The following NCK2 variants were observed in gnomAD, a reference collection of about 807,000 sequenced individuals.
The protein encoded by NCK2 is NCK adaptor protein 2.
In NCK2, 16 loss-of-function variants were observed where a neutral mutation model predicts 33.9. That is an observed-to-expected ratio of 0.47 (90% CI 0.32 to 0.72). The LOEUF (loss-of-function observed/expected upper bound fraction) is 0.72. Ranked by LOEUF, NCK2 falls within the 30% of genes least tolerant of loss-of-function variation. NCK2 has a pLI of 0.03. For synonymous variants in NCK2, 273 were observed against 239.9 expected, an observed-to-expected ratio of 1.14 and a Z score of -1.27; for missense variants, 418 against 537.3, an observed-to-expected ratio of 0.78 and a Z score of 2.19.
intron 2 of NCK2, among the ~76,000 whole-genome samples, chr2:105,843,600 GCAGTGATGGTGATAC>G (rs1340663133): frequency 1.3e-5 from 2 of 152,146 alleles, no homozygotes; most frequent in Non-Finnish European, 2.9e-5. Flanking sequence ...ACGAACACTC[GCAGTGATGGTGATAC>G]GTCACAGGGA....
chr2:105,842,617 G>C (rs1269365839), intron 2 of NCK2, among the ~76,000 whole-genome samples: 1 of 152,154 alleles, frequency 6.6e-6, no homozygotes, highest in Non-Finnish European at 1.5e-5. Context: ...TAGCCACTGA[G>C]ATCTCTCTAA....
chr2:105,853,428 G>A (rs959357942), intron 2 of NCK2, among the ~76,000 whole-genome samples: 1 of 152,046 alleles, frequency 6.6e-6, no homozygotes, highest in Non-Finnish European at 1.5e-5. Flanking sequence ...CACTTTTGAT[G>A]TTGCACATTT....
chr2:105,835,843 G>A (rs1308392553), intron 2 of NCK2, among the ~76,000 whole-genome samples: 1 of 151,502 alleles, frequency 6.6e-6, no homozygotes, highest in African/African-American at 2.4e-5. Flanking sequence ...CTGAATTCTG[G>A]TTTGACTAGG....
intron 3 of NCK2, among the ~76,000 whole-genome samples, chr2:105,875,385 T>C (rs370323661): frequency 1.6e-4 from 25 of 152,244 alleles, no homozygotes; most frequent in African/African-American, 6.0e-4. Context: ...TCCCCTGGGC[T>C]GTACACACAT....
chr2:105,826,512 A>G (rs1675949269), intron 2 of NCK2, among the ~76,000 whole-genome samples: 1 of 152,224 alleles, frequency 6.6e-6, no homozygotes, highest in African/African-American at 2.4e-5. Context: ...GAAAACTTAA[A>G]GAGACTTATA....
chr2:105,862,769 T>G (rs1677590574), intron 3 of NCK2, among the ~76,000 whole-genome samples: 1 of 152,232 alleles, frequency 6.6e-6, no homozygotes, highest in Admixed American at 6.5e-5. Context: ...CAGCTTAGTC[T>G]CAAATGGCTT....
Position 105,857,379 on chromosome 2 carries a change from G to A in NCK2, c.226+2090G>A, listed in dbSNP as rs574837726. On this transcript the variant is annotated intron_variant, in intron 3 of 4. Transcript: ENST00000233154. ...GATGGCCATCCAGCCCTGCTGGAGC[G>A]CAGCGTCGGTTCGAGTAGGCCAATC... Among the ~76,000 whole-genome samples, 5 of 152,388 alleles carry A rather than the reference G, an allele frequency of 3.3e-5. No individual in the cohort carries two copies. The East Asian group carries it at 9.6e-4, about 29-fold the overall frequency.
chr2:105,890,066 C>G (rs1245206980), intron 4 of NCK2, among the ~76,000 whole-genome samples: 1 of 152,136 alleles, frequency 6.6e-6, no homozygotes, highest in African/African-American at 2.4e-5. Context: ...TACAGAAAAT[C>G]TACTTAGTTT....
rs368285147 is a variant in NCK2, at chr2:105,789,701, C to T, written c.-200-26729C>T. Among the ~76,000 whole-genome samples the T allele has an allele frequency of 4.6e-4, 70 of 152,336 alleles. 1 individual carries two copies. The East Asian group carries it at 7.9e-3, about 17-fold the overall frequency. On this transcript the variant is annotated intron_variant, in intron 1 of 4. Coordinates refer to ENST00000233154, the MANE Select transcript of NCK2 (RefSeq NM_003581.5). ...ATCTGCTGGTGAGGACCTTGCTCCC[C>T]GGCTTGTGATTCTCAAACCCCAACT...
intron 2 of NCK2, among the ~76,000 whole-genome samples, chr2:105,847,459 T>C (rs1167775906): frequency 2.0e-5 from 3 of 152,084 alleles, no homozygotes; most frequent in East Asian, 3.9e-4. Context: ...GTTTAAGCAG[T>C]GGTGAATGCC....
chr2:105,839,011 A>G (rs1370197852), intron 2 of NCK2, among the ~76,000 whole-genome samples: 1 of 152,206 alleles, frequency 6.6e-6, no homozygotes, highest in Non-Finnish European at 1.5e-5. Flanking sequence ...GAGGTGGGGC[A>G]GGTTTGGCTT....
intron 2 of NCK2, among the ~76,000 whole-genome samples, chr2:105,831,693 A>G (rs1371375972): frequency 6.6e-6 from 1 of 152,100 alleles, no homozygotes; most frequent in Non-Finnish European, 1.5e-5. Flanking sequence ...GTTGAAAATT[A>G]TTTGGCTGTG....
chr2:105,794,860 C>G (rs111650956), intron 1 of NCK2, among the ~76,000 whole-genome samples: 20 of 152,184 alleles, frequency 1.3e-4, no homozygotes, highest in African/African-American at 4.8e-4. Flanking sequence ...CTAAACTGTT[C>G]GCATGGTTCC....
upstream of NCK2, among the ~76,000 whole-genome samples, chr2:105,744,578 C>A (rs897732290): frequency 1.3e-5 from 2 of 152,126 alleles, no homozygotes; most frequent in African/African-American, 4.8e-5. Context: ...CCCCCCACCG[C>A]CCGCACGCAA....
At chr2:105,871,743 C>T (rs1433864799) in intron 3 of NCK2, among the ~76,000 whole-genome samples, 1 of 152,180 alleles carries the variant, frequency 6.6e-6, no homozygotes, top group East Asian at 1.9e-4. Context: ...GATCTGCCCA[C>T]CTTGGCCTCC....
chr2:105,814,292 G>T (rs1675399033), intron 1 of NCK2, among the ~76,000 whole-genome samples: 1 of 152,228 alleles, frequency 6.6e-6, no homozygotes, highest in Non-Finnish European at 1.5e-5. Context: ...TCAGTGGAAT[G>T]CTTTTCTCAA....
chr2:105,766,391 A>G (rs1477190273), intron 1 of NCK2, among the ~76,000 whole-genome samples: 4 of 152,056 alleles, frequency 2.6e-5, no homozygotes, highest in African/African-American at 9.7e-5. Context: ...TGCCGCCATC[A>G]TGGCTCACTG....
At chr2:105,835,409 G>GTGTA (rs56250020) in intron 2 of NCK2, among the ~76,000 whole-genome samples, 1 of 59,328 alleles carries the variant, frequency 1.7e-5, no homozygotes, top group South Asian at 5.9e-4. Flanking sequence ...ATATATACGT[G>GTGTA]TATATATATA....
chr2:105,881,925 C>G lies in NCK2; in HGVS notation c.824C>G (p.Ser275Trp), dbSNP rs902885784. ...CCACAGATAAGCTACACCGGGCCCTCGTCCAGCGGGCGCTTCGCGGGCAGA... is the reference window on the plus strand; with the variant it reads ...CCACAGATAAGCTACACCGGGCCCTGGTCCAGCGGGCGCTTCGCGGGCAGA... ...HAPQISYTGPSSSGRFAGREW... is the reference protein window; with the variant it reads ...HAPQISYTGPWSSGRFAGREW... Residue 275 changes from serine (S) to tryptophan (W), a missense_variant, in exon 4 of 5, where the codon TCG becomes TGG. By Grantham distance (177) the Ser-to-Trp change is radical (BLOSUM62 -3). Transcript: ENST00000233154. The G allele has an allele frequency of 3.2e-6, 5 of 1,562,456 alleles. No individual in the cohort carries two copies. The highest frequency in any genetic ancestry group is 1.4e-5 in the African/African-American group (1 of 73,276).
Sources: gnomAD v4.1 joint callset for allele counts (sites outside exome capture counted in the v4.1 genomes callset) on GRCh38, gnomAD v4.1.1 for gene constraint, MANE v1.5 for transcripts, NCBI Gene and HGNC (gene_info 2026-07-23, HGNC 2026-07-21) for gene names.